Variants in TLE4 observed in about 807,000 individuals in gnomAD.
The protein encoded by TLE4 is transducin-like enhancer protein 4.
In TLE4, 8 loss-of-function variants were observed where a neutral mutation model predicts 92.8. That is an observed-to-expected ratio of 0.09 (90% CI 0.05 to 0.16). The LOEUF is 0.16. Ranked by LOEUF, TLE4 falls within the 10% of genes least tolerant of loss-of-function variation. The pLI is 1.00. For synonymous variants in TLE4, 371 were observed against 374.1 expected (o/e 0.99, Z 0.10); for missense variants, 675 against 997.6 (o/e 0.68, Z 4.36).
At chr9:79,605,633 G>A (rs1157669723) in intron 4 of TLE4, among the ~76,000 whole-genome samples, 1 of 151,874 alleles carries the variant, frequency 6.6e-6, no homozygotes, top group East Asian at 1.9e-4. Context: ...TTGAGCTCTG[G>A]GGATAGACTG....
chr9:79,606,184 G>GTTTTTTTTTTT (rs1288414778), intron 4 of TLE4, among the ~76,000 whole-genome samples: 6 of 18,406 alleles, frequency 3.3e-4, no homozygotes, highest in South Asian at 4.9e-3. Flanking sequence ...AGCAGTAGTA[G>GTTTTTTTTTTT]TTGTTTTTTT....
At chr9:79,706,338 CCCA>C (rs2071559283) in intron 10 of TLE4, among the ~76,000 whole-genome samples, 3 of 152,040 alleles carry the variant, frequency 2.0e-5, no homozygotes, top group African/African-American at 7.2e-5. Context: ...TCTAAAGGGA[CCCA>C]CTTTTTATTT....
chr9:79,679,836 G>A (rs886827268), intron 8 of TLE4, among the ~76,000 whole-genome samples: 6 of 151,956 alleles, frequency 3.9e-5, no homozygotes, highest in African/African-American at 1.5e-4. Context: ...TCTACATATG[G>A]CTAGCCAGTT....
intron 7 of TLE4, among the ~76,000 whole-genome samples, chr9:79,653,587 C>A (rs923205943): frequency 6.6e-6 from 1 of 152,152 alleles, no homozygotes; most frequent in Non-Finnish European, 1.5e-5. Flanking sequence ...TTACTTAGCA[C>A]AAGGGTGGTT....
At chr9:79,609,734 A>G (rs1464232157) in intron 4 of TLE4, among the ~76,000 whole-genome samples, 1 of 152,090 alleles carries the variant, frequency 6.6e-6, no homozygotes, top group African/African-American at 2.4e-5. Context: ...ATCAAATACC[A>G]TTATAATATC....
rs746132313 is a variant in TLE4, at chr9:79,722,156, T to C, written c.1986+268T>C. ...CTGCAGCCTGGCGACAGAGCAAGAC[T>C]CTGTCTGAAAAACAAAAAAAAACAA... is the stretch of plus-strand genomic sequence containing the variant. On this transcript the variant is annotated intron_variant, in intron 17 of 19. Transcript: ENST00000376552. Among the ~76,000 whole-genome samples the C allele has an allele frequency of 1.9e-3, 291 of 151,934 alleles. 7 individuals are homozygous for C. Among genetic ancestry groups the C allele is most frequent in the Non-Finnish European group, 2.5e-3 (171 of 67,980 alleles).
chr9:79,609,123 C>G (rs1315229075), intron 4 of TLE4, among the ~76,000 whole-genome samples: 1 of 152,106 alleles, frequency 6.6e-6, no homozygotes, highest in Non-Finnish European at 1.5e-5. Flanking sequence ...CATGACATCA[C>G]TTTCCCATGA....
In TLE4 at chr9:79,725,148, C is replaced by T. The variant is rs1397506329; in HGVS notation, c.*4C>T. On this transcript the variant is annotated 3_prime_UTR_variant, in exon 20 of 20. Coordinates refer to ENST00000376552, the MANE Select transcript of TLE4 (RefSeq NM_007005.6). ...AGTTTATGAAGTTATTTATTAAAGA[C>T]AAATCTTCATGCAGACTGGACTTCT... 6.2e-7 allele frequency: 1 copy of T among 1,603,590 alleles called. No homozygotes were observed. The highest frequency in any genetic ancestry group is 1.1e-5 in the South Asian group (1 of 90,874).
At chr9:79,677,230 A>C (rs1348933074) in intron 8 of TLE4, among the ~76,000 whole-genome samples, 1 of 152,184 alleles carries the variant, frequency 6.6e-6, no homozygotes, top group East Asian at 1.9e-4. Flanking sequence ...CAGTAAATGT[A>C]TCATGTATTC....
intron 5 of TLE4, among the ~76,000 whole-genome samples, chr9:79,617,133 A>G (rs2133213686): frequency 6.6e-6 from 1 of 152,298 alleles, no homozygotes; most frequent in Non-Finnish European, 1.5e-5. Flanking sequence ...TCAAGGTAAT[A>G]TTTCAAACGA....
chr9:79,573,245 G>T, intron 1 of TLE4: 1 of 1,013,376 alleles, frequency 9.9e-7, no homozygotes, highest in South Asian at 4.3e-5. Flanking sequence ...CTCGCGCCGC[G>T]GGCCGCCGGG....
intron 4 of TLE4, among the ~76,000 whole-genome samples, chr9:79,606,184 G>GTTTT (rs1288414778): frequency 9.2e-4 from 17 of 18,408 alleles, no homozygotes; most frequent in East Asian, 2.5e-3. Flanking sequence ...AGCAGTAGTA[G>GTTTT]TTGTTTTTTT....
At chr9:79,616,053 A>G (rs541615034) in intron 5 of TLE4, among the ~76,000 whole-genome samples, 1 of 152,274 alleles carries the variant, frequency 6.6e-6, no homozygotes, top group South Asian at 2.1e-4. Context: ...TTAGGAATGG[A>G]TAAGACTCAA....
At chr9:79,686,803 G>A (rs138116770) in intron 8 of TLE4, among the ~76,000 whole-genome samples, 71 of 152,304 alleles carry the variant, frequency 4.7e-4, no homozygotes, top group Admixed American at 1.6e-3. Context: ...CCTAGTTTGT[G>A]GTGGTTTGTT....
chr9:79,608,250 G>T (rs2047556214), intron 4 of TLE4, among the ~76,000 whole-genome samples: 1 of 151,978 alleles, frequency 6.6e-6, no homozygotes, highest in South Asian at 2.1e-4. Context: ...ATTTAGTCTG[G>T]ATTTTAAGTT....
chr9:79,655,291 T>C (rs990323966), intron 8 of TLE4, among the ~76,000 whole-genome samples: 1 of 152,256 alleles, frequency 6.6e-6, no homozygotes, highest in Non-Finnish European at 1.5e-5. Context: ...TCTATTTCTT[T>C]ATATCTTACA....
At chr9:79,631,450 A>G (rs1210815203) in intron 6 of TLE4, among the ~76,000 whole-genome samples, 1 of 152,236 alleles carries the variant, frequency 6.6e-6, no homozygotes, top group Non-Finnish European at 1.5e-5. Context: ...GAGCAGCACT[A>G]TTAAATCTAT....
chr9:79,572,750 C>T lies in TLE4; in HGVS notation c.-41C>T. ...CTTCGGGGTCATTAAAGCCAATGAGCCGCGCGCCTCTGCCGAGCGCAGCCA... is the reference window on the plus strand; with the variant it reads ...CTTCGGGGTCATTAAAGCCAATGAGTCGCGCGCCTCTGCCGAGCGCAGCCA... On this transcript the variant is annotated 5_prime_UTR_variant, in exon 1 of 20. Transcript: ENST00000376552. 1 of 1,589,386 alleles carries T rather than the reference C, an allele frequency of 6.3e-7. No homozygotes were observed. Among genetic ancestry groups the T allele is most frequent in the Non-Finnish European group, 8.6e-7 (1 of 1,168,708 alleles).
intron 14 of TLE4, among the ~76,000 whole-genome samples, chr9:79,714,916 T>C (rs1177222565): frequency 1.3e-5 from 2 of 152,256 alleles, no homozygotes; most frequent in Admixed American, 1.3e-4. Flanking sequence ...CTAGTTACAG[T>C]CAAAGAGTTT....
Sources: allele counts gnomAD v4.1 joint callset (sites outside exome capture counted in the v4.1 genomes callset), GRCh38; gene constraint gnomAD v4.1.1; transcripts MANE v1.5; gene names NCBI Gene and HGNC (gene_info 2026-07-23, HGNC 2026-07-21).